The following ADAMTS17 variants were observed in gnomAD, a reference collection of about 807,000 sequenced individuals.
ADAMTS17 encodes A disintegrin and metalloproteinase with thrombospondin motifs 17.
ADAMTS17 carries 113 observed loss-of-function variants against 141.5 expected under a neutral mutation model. The observed-to-expected ratio is 0.80, with a 90% CI of 0.69 to 0.93. ADAMTS17 has a LOEUF of 0.93. Ranked by LOEUF, ADAMTS17 falls within the 40% of genes least tolerant of loss-of-function variation. The probability of loss-of-function intolerance (pLI) is 0.00; values close to 1 mark genes in which losing one functional copy is unlikely to be tolerated. For synonymous variants in ADAMTS17, 768 were observed against 630.6 expected (o/e 1.22, Z -3.27); for missense variants, 1,659 against 1,517.9 (o/e 1.09, Z -1.54).
At chr15:100,299,696 T>C (rs1485086755) in intron 3 of ADAMTS17, among the ~76,000 whole-genome samples, 1 of 152,142 alleles carries the variant, frequency 6.6e-6, no homozygotes, top group Admixed American at 6.5e-5. Context: ...AGATGGTCTT[T>C]CATCTTTGAC....
intron 14 of ADAMTS17, among the ~76,000 whole-genome samples, chr15:100,101,058 C>A (rs2036069125): frequency 6.6e-6 from 1 of 152,146 alleles, no homozygotes; most frequent in African/African-American, 2.4e-5. Context: ...TCAATTCTGC[C>A]TGGGCCCTGG....
At chr15:100,097,923 C>T (rs926994524) in intron 14 of ADAMTS17, among the ~76,000 whole-genome samples, 1 of 151,970 alleles carries the variant, frequency 6.6e-6, no homozygotes, top group South Asian at 2.1e-4. Context: ...TTGTTCTGTC[C>T]AAAAATGATA....
chr15:100,335,592 G>A (rs2046184867), intron 2 of ADAMTS17, among the ~76,000 whole-genome samples: 1 of 152,224 alleles, frequency 6.6e-6, no homozygotes, highest in South Asian at 2.1e-4. Context: ...GCGTGATAAT[G>A]ATCTGCTCAT....
At chr15:100,283,789 T>C (rs2142090895) in intron 3 of ADAMTS17, among the ~76,000 whole-genome samples, 1 of 152,290 alleles carries the variant, frequency 6.6e-6, no homozygotes, top group Non-Finnish European at 1.5e-5. Context: ...GGACAGGTTG[T>C]TCCTGGACAC....
chr15:100,189,871 T>C (rs2040854733), intron 8 of ADAMTS17, among the ~76,000 whole-genome samples: 1 of 152,200 alleles, frequency 6.6e-6, no homozygotes, highest in African/African-American at 2.4e-5. Flanking sequence ...CCTGACATGA[T>C]ACACCCAGCA....
intron 18 of ADAMTS17, among the ~76,000 whole-genome samples, chr15:100,007,939 G>C (rs1033024880): frequency 1.3e-5 from 2 of 152,092 alleles, no homozygotes; most frequent in African/African-American, 4.8e-5. Context: ...CAAGCACCTG[G>C]GGGGAATGAC....
intron 15 of ADAMTS17, among the ~76,000 whole-genome samples, chr15:100,057,428 G>GC (rs997017642): frequency 6.6e-6 from 1 of 152,128 alleles, no homozygotes; most frequent in Non-Finnish European, 1.5e-5. Context: ...GGGAAGCCAG[G>GC]CAGCTGCTCT....
intron 13 of ADAMTS17, among the ~76,000 whole-genome samples, chr15:100,114,146 G>A (rs1460834148): frequency 6.9e-6 from 1 of 145,556 alleles, no homozygotes; most frequent in African/African-American, 2.6e-5. Context: ...ACCTCTGCAA[G>A]AATTCTTTCT....
chr15:100,130,075 C>A (rs991250434), intron 12 of ADAMTS17, among the ~76,000 whole-genome samples: 2 of 152,086 alleles, frequency 1.3e-5, no homozygotes, highest in Non-Finnish European at 2.9e-5. Context: ...ATTAAGAAGT[C>A]ATTCCTGGAT....
At chr15:100,107,906 C>G (rs2036506067) in intron 14 of ADAMTS17, among the ~76,000 whole-genome samples, 1 of 152,060 alleles carries the variant, frequency 6.6e-6, no homozygotes. Flanking sequence ...CACAACATGC[C>G]CAGCTTGACC....
chr15:100,122,627 G>A (rs1258939751), intron 12 of ADAMTS17, among the ~76,000 whole-genome samples: 3 of 152,202 alleles, frequency 2.0e-5, no homozygotes, highest in African/African-American at 4.8e-5. Flanking sequence ...TCAAATGGAA[G>A]TCTTGCTGAT....
At chr15:100,158,779 AAACT>A (rs1433889086) in intron 8 of ADAMTS17, among the ~76,000 whole-genome samples, 1 of 152,232 alleles carries the variant, frequency 6.6e-6, no homozygotes, top group African/African-American at 2.4e-5. Context: ...AATAGCAAAA[AAACT>A]AACAACCCAG....
At chr15:100,099,662 G>A (rs559018942) in intron 14 of ADAMTS17, among the ~76,000 whole-genome samples, 1 of 152,312 alleles carries the variant, frequency 6.6e-6, no homozygotes, top group Non-Finnish European at 1.5e-5. Context: ...CGCGCCCTGT[G>A]CCTCTGGCTA....
chr15:100,099,887 G>A (rs1025728969), intron 14 of ADAMTS17, among the ~76,000 whole-genome samples: 3 of 152,192 alleles, frequency 2.0e-5, no homozygotes, highest in East Asian at 1.9e-4. Flanking sequence ...AGGATGGGCC[G>A]TGGACAGTGG....
intron 12 of ADAMTS17, among the ~76,000 whole-genome samples, chr15:100,118,601 A>G (rs1259402620): frequency 6.6e-6 from 1 of 152,178 alleles, no homozygotes; most frequent in African/African-American, 2.4e-5. Context: ...TTCCAGAGAA[A>G]TGACTGCATG....
intron 18 of ADAMTS17, among the ~76,000 whole-genome samples, chr15:100,016,469 C>G (rs188501370): frequency 6.6e-6 from 1 of 152,150 alleles, no homozygotes; most frequent in African/African-American, 2.4e-5. Flanking sequence ...AGTTGGTTTT[C>G]TAGTTCCTTC....
At chr15:100,077,871 T>A (rs767824821) in intron 15 of ADAMTS17, among the ~76,000 whole-genome samples, 1 of 152,126 alleles carries the variant, frequency 6.6e-6, no homozygotes. Flanking sequence ...TCCCAAGGAA[T>A]CCATTAAAAA....
intron 15 of ADAMTS17, among the ~76,000 whole-genome samples, chr15:100,093,115 G>C (rs1431820826): frequency 1.3e-5 from 2 of 152,096 alleles, no homozygotes; most frequent in African/African-American, 4.8e-5. Context: ...GACCTCATTT[G>C]TTCAAAGTTT....
intron 7 of ADAMTS17, among the ~76,000 whole-genome samples, chr15:100,216,598 G>T (rs1376487148): frequency 6.6e-6 from 1 of 152,196 alleles, no homozygotes; most frequent in African/African-American, 2.4e-5. Context: ...GCCTGACCTG[G>T]ATTTTGCGCT....
Sources: gnomAD v4.1 joint callset for allele counts (sites outside exome capture counted in the v4.1 genomes callset) on GRCh38, gnomAD v4.1.1 for gene constraint, MANE v1.5 for transcripts, NCBI Gene and HGNC (gene_info 2026-07-23, HGNC 2026-07-21) for gene names.